SSBP2: variants seen among roughly 807,000 people sequenced by gnomAD.
The protein encoded by SSBP2 is single stranded DNA binding protein 2, also known as single-stranded DNA-binding protein 2.
Under a neutral mutation model 61.8 loss-of-function variants are expected in SSBP2, and 17 were observed. The ratio of observed to expected loss-of-function variants is 0.28; its 90% CI spans 0.19 to 0.41. The LOEUF is 0.41. Among genes scored for constraint, SSBP2 ranks in the 10% least tolerant of loss-of-function variants. SSBP2 has a pLI of 1.00. For missense variants in SSBP2, 310 were observed against 458.7 expected, an observed-to-expected ratio of 0.68 and a Z score of 2.96; for synonymous variants, 139 against 141.3, an observed-to-expected ratio of 0.98 and a Z score of 0.12.
At chr5:81,490,336 T>A (rs1041429871) in intron 5 of SSBP2, among the ~76,000 whole-genome samples, 1 of 152,036 alleles carries the variant, frequency 6.6e-6, no homozygotes, top group Non-Finnish European at 1.5e-5. Context: ...TATTAAATTA[T>A]TTAAAATTTG....
chr5:81,673,890 C>T (rs1476447321), intron 1 of SSBP2, among the ~76,000 whole-genome samples: 1 of 152,104 alleles, frequency 6.6e-6, no homozygotes, highest in Non-Finnish European at 1.5e-5. Flanking sequence ...AGAAATGAAC[C>T]ATTTGGGAGT....
intron 1 of SSBP2, among the ~76,000 whole-genome samples, chr5:81,729,610 C>T (rs1461191299): frequency 6.6e-6 from 1 of 152,096 alleles, no homozygotes. Context: ...TACTTAAAGG[C>T]TTACTCTCAT....
intron 4 of SSBP2, among the ~76,000 whole-genome samples, chr5:81,604,555 G>T (rs1260493005): frequency 6.6e-6 from 1 of 151,954 alleles, no homozygotes; most frequent in African/African-American, 2.4e-5. Context: ...TTATCCTTCT[G>T]CATTGTAAAA....
intron 6 of SSBP2, among the ~76,000 whole-genome samples, chr5:81,480,032 A>G (rs562304270): frequency 6.6e-6 from 1 of 152,296 alleles, no homozygotes; most frequent in East Asian, 1.9e-4. Context: ...TAGTTATACT[A>G]TTCACAAGTA....
At chr5:81,571,192 T>A (rs1773811572) in intron 4 of SSBP2, among the ~76,000 whole-genome samples, 1 of 152,232 alleles carries the variant, frequency 6.6e-6, no homozygotes, top group Admixed American at 6.5e-5. Context: ...AACATTTACT[T>A]AGATTCTGCC....
At chr5:81,742,721 C>T (rs1757110727) in intron 1 of SSBP2, among the ~76,000 whole-genome samples, 1 of 151,900 alleles carries the variant, frequency 6.6e-6, no homozygotes, top group South Asian at 2.1e-4. Flanking sequence ...GCTAAAAATA[C>T]AAAAATTAGC....
intron 1 of SSBP2, among the ~76,000 whole-genome samples, chr5:81,715,460 C>T (rs1170049444): frequency 6.6e-6 from 1 of 152,118 alleles, no homozygotes; most frequent in Non-Finnish European, 1.5e-5. Flanking sequence ...CTGAGAGCTA[C>T]ATCATTAAGA....
intron 9 of SSBP2, among the ~76,000 whole-genome samples, chr5:81,464,359 C>T (rs1448686760): frequency 4.6e-5 from 7 of 151,950 alleles, no homozygotes. Context: ...ATATTTTGGC[C>T]ATAACTTATA....
At chr5:81,693,608 C>A (rs1359464364) in intron 1 of SSBP2, among the ~76,000 whole-genome samples, 1 of 152,146 alleles carries the variant, frequency 6.6e-6, no homozygotes, top group Non-Finnish European at 1.5e-5. Context: ...CAGAGAAAAA[C>A]CAAACAAAAG....
intron 15 of SSBP2, among the ~76,000 whole-genome samples, chr5:81,432,608 T>C (rs1171780596): frequency 6.6e-6 from 1 of 151,918 alleles, no homozygotes; most frequent in Non-Finnish European, 1.5e-5. Flanking sequence ...TAGCCGGGTA[T>C]GGTGGTGTGC....
At chr5:81,657,997 A>C (rs1750370147) in intron 1 of SSBP2, among the ~76,000 whole-genome samples, 1 of 152,172 alleles carries the variant, frequency 6.6e-6, no homozygotes. Flanking sequence ...TTGTGGAATG[A>C]CCAAATCAAG....
chr5:81,508,311 G>C (rs1279434514), intron 5 of SSBP2, among the ~76,000 whole-genome samples: 1 of 152,066 alleles, frequency 6.6e-6, no homozygotes, highest in Non-Finnish European at 1.5e-5. Context: ...TCATTCATCA[G>C]TTCCATAGTG....
At chr5:81,556,556 C>G (rs1581013459) in intron 4 of SSBP2, among the ~76,000 whole-genome samples, 1 of 152,222 alleles carries the variant, frequency 6.6e-6, no homozygotes, top group Admixed American at 6.5e-5. Context: ...CCATGCTCTG[C>G]TCCTTCCATA....
rs980296829 is a variant in SSBP2, at chr5:81,623,313, T to C, written c.198-7756A>G. 1.2e-4 allele frequency among the ~76,000 whole-genome samples: 18 copies of C among 151,608 alleles called. 1 individual carries two copies. The highest frequency in any genetic ancestry group is 2.1e-4 in the Non-Finnish European group (14 of 67,942). ...AAAAGTATTCCAATTGCATTACTTT[T>C]ATAATTCCATTGTAGTACTTTTTTT... On this transcript the variant is annotated intron_variant, in intron 3 of 16. Transcript: ENST00000320672.
chr5:81,473,269 C>A (rs575325613), intron 8 of SSBP2, among the ~76,000 whole-genome samples: 3 of 152,102 alleles, frequency 2.0e-5, no homozygotes, highest in Non-Finnish European at 4.4e-5. Flanking sequence ...CTTTAAGTTT[C>A]GGAATACAAG....
intron 5 of SSBP2, among the ~76,000 whole-genome samples, chr5:81,500,507 C>T (rs954276589): frequency 1.3e-5 from 2 of 152,162 alleles, no homozygotes; most frequent in Non-Finnish European, 2.9e-5. Context: ...TGTCGCCAGG[C>T]TGGAGTACAG....
intron 15 of SSBP2, among the ~76,000 whole-genome samples, chr5:81,430,734 T>C (rs112112104): frequency 6.6e-6 from 1 of 151,912 alleles, no homozygotes; most frequent in African/African-American, 2.4e-5. Context: ...TGTGTGTGTG[T>C]ATGTGTGGTG....
intron 4 of SSBP2, among the ~76,000 whole-genome samples, chr5:81,597,986 A>T (rs866195590): frequency 6.6e-6 from 1 of 152,024 alleles, no homozygotes; most frequent in Non-Finnish European, 1.5e-5. Context: ...GTGCACATGT[A>T]CCCTAAAACT....
chr5:81,478,496 G>T (rs919810377), intron 6 of SSBP2, among the ~76,000 whole-genome samples: 1 of 151,742 alleles, frequency 6.6e-6, no homozygotes, highest in African/African-American at 2.4e-5. Flanking sequence ...ACCCACCACC[G>T]TGCCCAGCTA....
Sources: allele counts gnomAD v4.1 joint callset (sites outside exome capture counted in the v4.1 genomes callset), GRCh38; gene constraint gnomAD v4.1.1; transcripts MANE v1.5; gene names NCBI Gene and HGNC (gene_info 2026-07-23, HGNC 2026-07-21).